The following SMPDL3A variants were observed in gnomAD, a reference collection of about 807,000 sequenced individuals.
SMPDL3A encodes the protein sphingomyelin phosphodiesterase acid like 3A.
Under a neutral mutation model 38.5 loss-of-function variants are expected in SMPDL3A, and 39 were observed. The observed-to-expected ratio is 1.01, with a 90% CI of 0.78 to 1.32. The LOEUF is 1.32. Among genes scored for constraint, SMPDL3A ranks in the 40% most tolerant of loss-of-function variants. SMPDL3A has a pLI of 0.00. For synonymous variants in SMPDL3A, 180 were observed against 194.3 expected, an observed-to-expected ratio of 0.93 and a Z score of 0.61; for missense variants, 502 against 536.2, an observed-to-expected ratio of 0.94 and a Z score of 0.63.
At chr6:122,801,068 G>T (rs528197816) in intron 3 of SMPDL3A, among the ~76,000 whole-genome samples, 68 of 152,274 alleles carry the variant, frequency 4.5e-4, no homozygotes, top group African/African-American at 1.6e-3. Flanking sequence ...ACACTTGATT[G>T]TTCTTGCTTC....
At chr6:122,789,660 C>G (rs1490242389) in intron 1 of SMPDL3A, 1 of 313,818 alleles carries the variant, frequency 3.2e-6, no homozygotes, top group Non-Finnish European at 4.6e-6. Flanking sequence ...GGCGTCCAGC[C>G]GGGAGGCCGG....
At chr6:122,795,367 T>C (rs1021012786) in intron 1 of SMPDL3A, among the ~76,000 whole-genome samples, 7 of 152,176 alleles carry the variant, frequency 4.6e-5, no homozygotes, top group African/African-American at 1.4e-4. Context: ...GGTCTCGAAC[T>C]CCTGACCTCA....
intron 5 of SMPDL3A, 49 bp from the exon 6 acceptor site, chr6:122,804,860 G>T (rs1460315000): frequency 6.7e-7 from 1 of 1,498,406 alleles, no homozygotes; most frequent in Non-Finnish European, 9.1e-7. Flanking sequence ...TAGTTATGAT[G>T]AATGTGCAGA....
intron 1 of SMPDL3A, among the ~76,000 whole-genome samples, chr6:122,791,353 T>TA (rs1306982787): frequency 6.6e-6 from 1 of 152,172 alleles, no homozygotes; most frequent in Non-Finnish European, 1.5e-5. Context: ...AAGGACTCCT[T>TA]ACTTCTATAT....
rs779553073 is a variant in SMPDL3A, at chr6:122,795,880, A to G, written c.316A>G (p.Ile106Val). 24 of 1,606,776 alleles carry G rather than the reference A, an allele frequency of 1.5e-5. 1 individual carries two copies. In the South Asian group the frequency reaches 2.6e-4, roughly 18 times the overall value. The change falls in exon 2 of 8, where the codon ATA (isoleucine) becomes GTA (valine). Residue 106 changes from isoleucine (I) to valine (V), a missense_variant. Coordinates refer to ENST00000368440, the MANE Select transcript of SMPDL3A (RefSeq NM_006714.5). ...TTCTGGACAAGAAGCATCTTTCATG[A>G]TATGGACAGGGTAAGTGATTATACA... ...KNSGQEASFM[I>V]WTGDSPPHVP... is the part of the protein sequence containing the mutation.
At position 122,795,704 on chromosome 6, in the gene SMPDL3A, A is replaced by T. The variant is rs140935022; in HGVS notation, c.140A>T (p.His47Leu). 3.1e-6 allele frequency: 5 copies of T among 1,614,074 alleles called. No individual in the cohort carries two copies. The African/African-American group carries it at 6.7e-5, about 22-fold the overall frequency. ...IGQFWHVTDL[H>L]LDPTYHITDD... ...CAGTTTTGGCATGTGACTGACTTAC[A>T]CTTAGACCCTACTTACCACATCACA... Residue 47 changes from histidine to leucine, a missense_variant, in exon 2 of 8, where the codon CAC becomes CTC. Coordinates refer to ENST00000368440, the MANE Select transcript of SMPDL3A (RefSeq NM_006714.5).
chr6:122,804,057 G>A (rs1042917894), intron 5 of SMPDL3A, among the ~76,000 whole-genome samples: 37 of 150,802 alleles, frequency 2.5e-4, no homozygotes, highest in African/African-American at 8.1e-4. Context: ...GCGTGGTCTC[G>A]GCTCACTGCA....
chr6:122,801,523 G>A (rs1781429346), intron 4 of SMPDL3A, 117 bp downstream of exon 4: 5 of 711,536 alleles, frequency 7.0e-6, no homozygotes, highest in Non-Finnish European at 1.2e-5. Flanking sequence ...CCCAGTTTTT[G>A]TGGAGGACAG....
chr6:122,789,374 T>A lies in SMPDL3A; in HGVS notation c.28T>A (p.Cys10Ser), dbSNP rs1175072735. Residue 10 changes from cysteine (C) to serine (S), a missense_variant, in exon 1 of 8, where the codon TGC becomes AGC. Coordinates refer to ENST00000368440, the MANE Select transcript of SMPDL3A (RefSeq NM_006714.5). ...GGCGCTGGTGCGCGCACTCGTCTGC[T>A]GCCTGCTGACTGCCTGGCACTGCCG... MALVRALVC[C>S]LLTAWHCRSG... 1 of 1,548,468 alleles carries A rather than the reference T, an allele frequency of 6.5e-7. No individual in the cohort carries two copies. Among genetic ancestry groups the A allele is most frequent in the Non-Finnish European group, 8.7e-7 (1 of 1,146,252 alleles).
chr6:122,795,420 G>A lies in SMPDL3A; in HGVS notation c.113-257G>A, dbSNP rs542988702. Reference sequence around the variant, plus strand: ...AGCCTCCCAAATTGCTGAGATTACAGGCATGAGCCACCGCGCCCGGCCTGA... The same window carrying A: ...AGCCTCCCAAATTGCTGAGATTACAAGCATGAGCCACCGCGCCCGGCCTGA... On this transcript the variant is annotated intron_variant, in intron 1 of 7. Transcript: ENST00000368440. Among the ~76,000 whole-genome samples, 156 of 152,224 alleles carry A rather than the reference G, an allele frequency of 1.0e-3. 1 individual carries two copies. The highest frequency in any genetic ancestry group is 3.5e-3 in the African/African-American group (145 of 41,524).
In SMPDL3A at chr6:122,789,269, C is replaced by T. The variant is rs1007914451; in HGVS notation, c.-78C>T. The T allele has an allele frequency of 7.8e-6, 8 of 1,032,256 alleles. No homozygotes were observed. Among genetic ancestry groups the T allele is most frequent in the Middle Eastern group, 2.3e-4 (1 of 4,408 alleles). 63.9% of individuals were successfully genotyped at this position (1,032,256 alleles called of 1,614,324 possible). A position where few individuals can be genotyped will look rare whatever the true frequency, so the allele number is the denominator to read the frequency against. ...CTACACCCGCAGCCGTCTTCTGTCT[C>T]CGCCTCACCCTCAGGCCTGACGGTC... On this transcript the variant is annotated 5_prime_UTR_variant, in exon 1 of 8. Transcript: ENST00000368440.
In SMPDL3A at chr6:122,806,337, C is replaced by T. The variant is rs749498675; in HGVS notation, c.1024C>T (p.Pro342Ser). ...NPGIRLFQYD[P>S]RDYKLLDMLQ... ...TGGTATCAGACTGTTTCAGTATGAT[C>T]CTCGTGATTATAAATTATTGGTAAG... Residue 342 changes from proline to serine, a missense_variant, in exon 7 of 8, where the codon CCT (proline) becomes TCT (serine). Transcript: ENST00000368440. 1 of 1,609,138 alleles carries T rather than the reference C, an allele frequency of 6.2e-7. No homozygotes were observed. The highest frequency in any genetic ancestry group is 2.2e-5 in the East Asian group (1 of 44,748).
intron 1 of SMPDL3A, 53 bp downstream of exon 1, chr6:122,789,511 G>A: frequency 4.9e-6 from 7 of 1,441,734 alleles, no homozygotes; most frequent in South Asian, 2.5e-5. Flanking sequence ...GCGGAGCGGC[G>A]GCGCCTGCGC....
At position 122,796,904 on chromosome 6, in the gene SMPDL3A, T is replaced by A; in HGVS notation, c.407T>A (p.Ile136Asn). 6.2e-7 allele frequency: 1 copy of A among 1,613,354 alleles called. No homozygotes were observed. The highest frequency in any genetic ancestry group is 8.5e-7 in the Non-Finnish European group (1 of 1,179,348). Reference sequence around the variant, plus strand: ...GTGATCACTAATATGACAACCACCATCCAGAGTCTCTTTCCAAATCTCCAG... The same window carrying A: ...GTGATCACTAATATGACAACCACCAACCAGAGTCTCTTTCCAAATCTCCAG... ...INVITNMTTT[I>N]QSLFPNLQVF... The change falls in exon 3 of 8, where the codon ATC becomes AAC. Residue 136 changes from isoleucine (I) to asparagine (N), a missense_variant. Transcript: ENST00000368440.
chr6:122,789,542 G>A lies in SMPDL3A; in HGVS notation c.112+84G>A, dbSNP rs973127853. ...TGCGCACAGCAGGAGAAAGTGCGTGGGGGCAGCTGCCCCCGGCAGAGGCTC... is the reference window on the plus strand; with the variant it reads ...TGCGCACAGCAGGAGAAAGTGCGTGAGGGCAGCTGCCCCCGGCAGAGGCTC... On this transcript the variant is annotated intron_variant, in intron 1 of 7. Transcript: ENST00000368440. 27 of 1,220,560 alleles carry A rather than the reference G, an allele frequency of 2.2e-5. No homozygotes were observed. In the African/African-American group the frequency reaches 3.8e-4, roughly 17 times the overall value. 75.6% of individuals were successfully genotyped at this position (1,220,560 alleles called of 1,614,324 possible).
At chr6:122,808,678 C>T in intron 7 of SMPDL3A, among the ~76,000 whole-genome samples, 1 of 108,082 alleles carries the variant, frequency 9.3e-6, no homozygotes, top group Non-Finnish European at 1.8e-5. Context: ...CTCCTTCTTT[C>T]TTATTTATTT....
chr6:122,809,146 T>C lies in SMPDL3A; in HGVS notation c.1100T>C (p.Ile367Thr). 2 of 1,614,090 alleles carry C rather than the reference T, an allele frequency of 1.2e-6. No homozygotes were observed. Among genetic ancestry groups the C allele is most frequent in the Non-Finnish European group, 1.7e-6 (2 of 1,179,926 alleles). ...GAGGCGAATCTAAAGGGAGAGTCCA[T>C]CTGGAAGCTGGAGTATATCCTGACC... ...LTEANLKGESIWKLEYILTQT... is the reference protein window; with the variant it reads ...LTEANLKGESTWKLEYILTQT... The change falls in exon 8 of 8, where the codon ATC (isoleucine) becomes ACC (threonine). Residue 367 changes from isoleucine to threonine, a missense_variant. Transcript: ENST00000368440.
intron 3 of SMPDL3A, 133 bp from the exon 4 acceptor site, chr6:122,801,177 A>C: frequency 1.5e-6 from 1 of 655,686 alleles, no homozygotes; most frequent in Non-Finnish European, 2.7e-6. Flanking sequence ...AATTCCTTGA[A>C]GATGAAGTCT....
At chr6:122,801,516 A>G in intron 4 of SMPDL3A, 110 bp downstream of exon 4, 5 of 762,064 alleles carry the variant, frequency 6.6e-6, no homozygotes, top group South Asian at 1.6e-5. Context: ...CACAGCCCCC[A>G]GTTTTTGTGG....
Sources: allele counts gnomAD v4.1 joint callset (sites outside exome capture counted in the v4.1 genomes callset), GRCh38; gene constraint gnomAD v4.1.1; transcripts MANE v1.5; gene names NCBI Gene and HGNC (gene_info 2026-07-23, HGNC 2026-07-21).